The following TUBGCP5 variants were observed in gnomAD, a reference collection of about 807,000 sequenced individuals.
TUBGCP5 encodes gamma-tubulin complex component 5.
In TUBGCP5, 98 loss-of-function variants were observed where a neutral mutation model predicts 134.7. That is an observed-to-expected ratio of 0.73 (90% CI 0.62 to 0.86). The LOEUF (loss-of-function observed/expected upper bound fraction) is 0.86. TUBGCP5 is among the 40% of genes least tolerant of loss of function. The pLI, the probability that TUBGCP5 is intolerant of heterozygous loss-of-function variation, is 0.00. For missense variants in TUBGCP5, 1,150 were observed against 1,244.8 expected, an observed-to-expected ratio of 0.92 and a Z score of 1.15; for synonymous variants, 456 against 431.4, an observed-to-expected ratio of 1.06 and a Z score of -0.71.
At chr15:22,983,367 GT>G (rs2063588708) in exon 24 of TUBGCP5, 1 of 152,198 alleles carries the variant, frequency 6.6e-6, no homozygotes, top group Non-Finnish European at 1.5e-5. Context: ...AAGACCCCTG[GT>G]GGATGTCTGA....
chr15:23,036,514 A>G (rs1007474246), intron 3 of TUBGCP5, among the ~76,000 whole-genome samples: 6 of 151,844 alleles, frequency 4.0e-5, no homozygotes, highest in African/African-American at 1.5e-4. Flanking sequence ...CATTATGCCA[A>G]AAGGTGGTCT....
chr15:23,015,399 T>C (rs891587261), intron 13 of TUBGCP5, among the ~76,000 whole-genome samples: 3 of 143,624 alleles, frequency 2.1e-5, no homozygotes, highest in Admixed American at 1.4e-4. Flanking sequence ...CCCAATACTT[T>C]GGGAGGCCGA....
intron 11 of TUBGCP5, among the ~76,000 whole-genome samples, chr15:23,020,584 C>CAAAAAAAAAAAAAAAAAAAAACA (rs2065620360): frequency 1.3e-5 from 1 of 76,242 alleles, no homozygotes; most frequent in Non-Finnish European, 2.5e-5. Flanking sequence ...GACTACGTCT[C>CAAAAAAAAAAAAAAAAAAAAACA]AAAAAAAAAA....
chr15:22,992,312 G>C (rs1008065315), intron 23 of TUBGCP5, among the ~76,000 whole-genome samples: 1 of 152,084 alleles, frequency 6.6e-6, no homozygotes, highest in South Asian at 2.1e-4. Flanking sequence ...CGCAGGTTTA[G>C]GTCCCTCCCA....
In TUBGCP5 at chr15:23,004,207, C is replaced by T; in HGVS notation, c.2733G>A (p.Leu911=). The change falls in exon 20 of 23, where the codon CTG becomes CTA. Residue 911 remains leucine, a synonymous_variant. Coordinates refer to ENST00000615383, the MANE Select transcript of TUBGCP5 (RefSeq NM_052903.6). ...CTTCCTCGACTTGATGTTGAAACTC[C>T]AGCCCTGTACTGTGTAGAATCTTGG... ...IMTRILHSTG[L]EFQHQVEEAK... The T allele has an allele frequency of 6.2e-7, 1 of 1,610,180 alleles. No homozygotes were observed. The highest frequency in any genetic ancestry group is 8.5e-7 in the Non-Finnish European group (1 of 1,179,114).
chr15:23,034,138 A>T (rs2066460251), intron 3 of TUBGCP5, among the ~76,000 whole-genome samples: 1 of 152,212 alleles, frequency 6.6e-6, no homozygotes, highest in East Asian at 1.9e-4. Flanking sequence ...TAGTTTGCGC[A>T]AACAGTGTGA....
intron 18 of TUBGCP5, 162 bp from the exon 19 acceptor site, chr15:23,005,772 T>G: frequency 2.6e-6 from 2 of 760,062 alleles, no homozygotes; most frequent in Non-Finnish European, 2.1e-6. Context: ...GAAGGTGCAG[T>G]GGGAAAAGTT....
chr15:22,988,597 G>C (rs564910614), intron 23 of TUBGCP5, among the ~76,000 whole-genome samples: 2 of 151,466 alleles, frequency 1.3e-5, no homozygotes, highest in Non-Finnish European at 1.5e-5. Context: ...TTAGCCGGGC[G>C]TGGTGGTGGG....
chr15:23,006,518 C>T (rs2064724997), intron 16 of TUBGCP5, among the ~76,000 whole-genome samples, 166 bp from the exon 17 acceptor site: 1 of 152,044 alleles, frequency 6.6e-6, no homozygotes, highest in African/African-American at 2.4e-5. Flanking sequence ...ACATATATTC[C>T]AGAGCAGAAA....
chr15:23,023,849 T>C (rs2065843899), intron 10 of TUBGCP5, 98 bp downstream of exon 10: 2 of 1,225,584 alleles, frequency 1.6e-6, no homozygotes, highest in Admixed American at 6.0e-5. Context: ...ACTACTTATC[T>C]GCTAGGCAAC....
rs915574232 is a variant in TUBGCP5, at chr15:23,037,084, T to C, written c.200+15A>G. The C allele has an allele frequency of 1.2e-6, 2 of 1,613,284 alleles. No individual in the cohort carries two copies. The highest frequency in any genetic ancestry group is 1.7e-6 in the Non-Finnish European group (2 of 1,179,464). ...ACATATATTTCTGGATGCGTATATA[T>C]ACACACTGACTTACCCTTCGATTGT... On this transcript the variant is annotated intron_variant, in intron 2 of 22. Coordinates refer to ENST00000615383, the MANE Select transcript of TUBGCP5 (RefSeq NM_052903.6).
intron 10 of TUBGCP5, 170 bp downstream of exon 10, chr15:23,023,777 T>G: frequency 1.7e-6 from 1 of 594,842 alleles, no homozygotes; most frequent in Non-Finnish European, 2.6e-6. Flanking sequence ...TTTTGATTTT[T>G]AGAGATATGA....
At chr15:22,988,795 T>C (rs2063763963) in intron 23 of TUBGCP5, among the ~76,000 whole-genome samples, 1 of 150,652 alleles carries the variant, frequency 6.6e-6, no homozygotes, top group African/African-American at 2.4e-5. Flanking sequence ...TGAGACGGAG[T>C]CTTGTTCTGT....
At chr15:23,010,757 T>A (rs1173819138) in intron 14 of TUBGCP5, among the ~76,000 whole-genome samples, 1 of 152,010 alleles carries the variant, frequency 6.6e-6, no homozygotes, top group African/African-American at 2.4e-5. Flanking sequence ...GGTGGGCAGA[T>A]CACCTGAGGT....
Position 23,017,943 on chromosome 15 carries a change from T to C in TUBGCP5, c.1586A>G (p.Asp529Gly). The C allele has an allele frequency of 6.2e-7, 1 of 1,614,236 alleles. No homozygotes were observed. The highest frequency in any genetic ancestry group is 1.1e-5 in the South Asian group (1 of 91,088). The change falls in exon 13 of 23, where the codon GAT (aspartate) becomes GGT (glycine). Residue 529 changes from aspartate to glycine, a missense_variant. Asp to Gly is a moderately conservative substitution (Grantham distance 94, BLOSUM62 -1). This residue lies in a region of TUBGCP5 where 697 missense variants were observed against 850.1 expected (regional missense o/e 0.82). Coordinates refer to ENST00000615383, the MANE Select transcript of TUBGCP5 (RefSeq NM_052903.6). ...ACTGCCGGAACTCGCACTAGCGTTATCACTCATTTTTTCTTCATTTTCTGT... is the reference window on the plus strand; with the variant it reads ...ACTGCCGGAACTCGCACTAGCGTTACCACTCATTTTTTCTTCATTTTCTGT... Reference protein sequence around the residue: ...EKTENEEKMSDNASASSGSDQ... With the variant: ...EKTENEEKMSGNASASSGSDQ...
intron 23 of TUBGCP5, among the ~76,000 whole-genome samples, chr15:22,983,842 G>A (rs2063602153): frequency 6.6e-6 from 1 of 152,164 alleles, no homozygotes; most frequent in Middle Eastern, 3.4e-3. Context: ...CAACCATTAG[G>A]CCAGGTGCGG....
intron 13 of TUBGCP5, among the ~76,000 whole-genome samples, chr15:23,012,532 G>A (rs1054108587): frequency 4.6e-5 from 7 of 151,988 alleles, no homozygotes; most frequent in Non-Finnish European, 1.0e-4. Context: ...TCAGCCTCCT[G>A]AGTAGTGGGG....
chr15:23,030,925 T>A lies in TUBGCP5; in HGVS notation c.582A>T (p.Gln194His), dbSNP rs1374564972. Residue 194 changes from glutamine (Q) to histidine (H), a missense_variant, in exon 6 of 23, where the codon CAA (glutamine) becomes CAT (histidine). By Grantham distance (24) the Gln-to-His change is conservative (BLOSUM62 0). This residue lies in a region of TUBGCP5 where 453 missense variants were observed against 394.7 expected (regional missense o/e 1.15). Coordinates refer to ENST00000615383, the MANE Select transcript of TUBGCP5 (RefSeq NM_052903.6). ...IQVDRTPLEE[Q>H]DQNRKLDPCI... ...AAGGATCCAGTTTTCTGTTTTGATC[T>A]TGTTCTTCTAACGGTGTCCTGTCTA... 4.3e-6 allele frequency: 7 copies of A among 1,613,564 alleles called. No individual in the cohort carries two copies. Among genetic ancestry groups the A allele is most frequent in the Admixed American group, 3.3e-5 (2 of 59,840 alleles).
intron 10 of TUBGCP5, among the ~76,000 whole-genome samples, chr15:23,022,785 C>A (rs1458473551): frequency 2.6e-5 from 4 of 152,164 alleles, no homozygotes; most frequent in African/African-American, 9.7e-5. Context: ...GGTTTTACCA[C>A]TGGGGGAAGC....
Sources: allele counts gnomAD v4.1 joint callset (sites outside exome capture counted in the v4.1 genomes callset), GRCh38; gene constraint gnomAD v4.1.1; regional missense constraint gnomAD v4.1.1; transcripts MANE v1.5; gene names NCBI Gene and HGNC (gene_info 2026-07-23, HGNC 2026-07-21).